The following FANCL variants were observed in gnomAD, a reference collection of about 807,000 sequenced individuals.
FANCL encodes FA complementation group L, also known as E3 ubiquitin-protein ligase FANCL.
In FANCL, 69 loss-of-function variants were observed where a neutral mutation model predicts 59.4. That is an observed-to-expected ratio of 1.16 (90% CI 0.96 to 1.42). The LOEUF (loss-of-function observed/expected upper bound fraction) is 1.42, where lower values mean the gene tolerates loss of function less well. Among genes scored for constraint, FANCL ranks in the 40% most tolerant of loss-of-function variants. The pLI is 0.00. For synonymous variants in FANCL, 180 were observed against 147.1 expected (o/e 1.22, Z -1.62); for missense variants, 519 against 447.2 (o/e 1.16, Z -1.45).
chr2:58,212,220 G>A (rs1691240513), intron 5 of FANCL, among the ~76,000 whole-genome samples: 1 of 152,306 alleles, frequency 6.6e-6, no homozygotes, highest in South Asian at 2.1e-4. Flanking sequence ...TTACATGGAT[G>A]GCAGCAGGCA....
At chr2:58,160,355 T>A (rs1246702546) in intron 12 of FANCL, among the ~76,000 whole-genome samples, 176 bp from the exon 13 acceptor site, 1 of 152,054 alleles carries the variant, frequency 6.6e-6, no homozygotes, top group African/African-American at 2.4e-5. Flanking sequence ...ACTATTAAGA[T>A]GTTGAGTAAC....
chr2:58,229,018 T>C (rs1693310269), intron 3 of FANCL, among the ~76,000 whole-genome samples: 2 of 152,198 alleles, frequency 1.3e-5, no homozygotes, highest in Admixed American at 1.3e-4. Context: ...AAAACTTCTG[T>C]AATTATATTG....
intron 5 of FANCL, among the ~76,000 whole-genome samples, chr2:58,221,494 T>C (rs949521991): frequency 6.6e-6 from 1 of 152,212 alleles, no homozygotes; most frequent in Non-Finnish European, 1.5e-5. Flanking sequence ...CCCTAGTTGC[T>C]AAAATTTACC....
chr2:58,174,903 A>C (rs1022723562), intron 7 of FANCL, among the ~76,000 whole-genome samples: 1 of 151,998 alleles, frequency 6.6e-6, no homozygotes, highest in African/African-American at 2.4e-5. Flanking sequence ...AAGACTAATA[A>C]AGAAGAGAGA....
intron 12 of FANCL, among the ~76,000 whole-genome samples, chr2:58,160,415 G>A (rs1180074868): frequency 1.3e-5 from 2 of 152,108 alleles, no homozygotes; most frequent in African/African-American, 2.4e-5. Flanking sequence ...TTTATAACCA[G>A]ATTATGGGCC....
chr2:58,177,642 G>C (rs28833241), intron 7 of FANCL, among the ~76,000 whole-genome samples: 1 of 91,210 alleles, frequency 1.1e-5, no homozygotes, highest in Admixed American at 1.7e-4. Context: ...GGGGTGGGGG[G>C]AGGGGGGAGG....
At chr2:58,233,621 T>C (rs1329705444) in intron 1 of FANCL, among the ~76,000 whole-genome samples, 1 of 151,356 alleles carries the variant, frequency 6.6e-6, no homozygotes, top group Non-Finnish European at 1.5e-5. Flanking sequence ...GGAAGAAAAA[T>C]ATGAAGCACT....
At chr2:58,167,216 G>GA (rs1686045576) in intron 7 of FANCL, among the ~76,000 whole-genome samples, 1 of 151,294 alleles carries the variant, frequency 6.6e-6, no homozygotes, top group East Asian at 1.9e-4. Context: ...GTCTCAAAAA[G>GA]AAAAAAAAGG....
At chr2:58,161,735 TAC>T (rs1022009889) in intron 11 of FANCL, 97 bp from the exon 12 acceptor site, 2 of 760,960 alleles carry the variant, frequency 2.6e-6, no homozygotes, top group African/African-American at 3.5e-5. Flanking sequence ...GATACATGTA[TAC>T]AGTGTTTAAT....
chr2:58,190,185 A>G (rs1016322917), intron 7 of FANCL, among the ~76,000 whole-genome samples: 3 of 152,004 alleles, frequency 2.0e-5, no homozygotes, highest in Non-Finnish European at 4.4e-5. Flanking sequence ...AGCAATCCGT[A>G]AAGAACATAT....
chr2:58,204,000 A>G (rs1251469875), intron 6 of FANCL, 130 bp downstream of exon 6: 2 of 778,020 alleles, frequency 2.6e-6, no homozygotes, highest in Non-Finnish European at 2.2e-6. Flanking sequence ...AGGCTTTCCA[A>G]AATCAATGTT....
At chr2:58,163,188 T>C in intron 9 of FANCL, 114 bp from the exon 10 acceptor site, 2 of 986,984 alleles carry the variant, frequency 2.0e-6, no homozygotes, top group Non-Finnish European at 3.1e-6. Flanking sequence ...AAATTATATG[T>C]ATTATGTTAA....
intron 5 of FANCL, among the ~76,000 whole-genome samples, chr2:58,212,358 G>A (rs934597297): frequency 6.6e-6 from 1 of 152,098 alleles, no homozygotes; most frequent in African/African-American, 2.4e-5. Flanking sequence ...CTTCCACCGG[G>A]TCCCTCCTGC....
At chr2:58,195,324 T>C (rs1689322822) in intron 7 of FANCL, among the ~76,000 whole-genome samples, 1 of 152,102 alleles carries the variant, frequency 6.6e-6, no homozygotes, top group Non-Finnish European at 1.5e-5. Flanking sequence ...TATAGGTAAA[T>C]GATATATTTT....
At chr2:58,236,136 C>G (rs1227041713) in intron 1 of FANCL, among the ~76,000 whole-genome samples, 2 of 151,084 alleles carry the variant, frequency 1.3e-5, no homozygotes, top group Non-Finnish European at 3.0e-5. Flanking sequence ...ATCCAAGAAG[C>G]TCCACAGACC....
chr2:58,192,511 C>T (rs531180053), intron 7 of FANCL, among the ~76,000 whole-genome samples: 2 of 151,994 alleles, frequency 1.3e-5, no homozygotes, highest in South Asian at 4.1e-4. Context: ...GAAAATTAAT[C>T]ACCGTTAACC....
intron 7 of FANCL, among the ~76,000 whole-genome samples, chr2:58,185,458 G>A (rs906800273): frequency 1.3e-4 from 20 of 152,162 alleles, no homozygotes; most frequent in African/African-American, 4.3e-4. Flanking sequence ...TTTAAACCTT[G>A]AGATCATGAA....
intron 7 of FANCL, among the ~76,000 whole-genome samples, chr2:58,172,718 A>G (rs976802155): frequency 3.9e-5 from 6 of 152,182 alleles, no homozygotes; most frequent in Non-Finnish European, 8.8e-5. Flanking sequence ...GAAACTCTAA[A>G]AAGCAGAGCG....
At chr2:58,199,836 G>C (rs1297702301) in intron 6 of FANCL, among the ~76,000 whole-genome samples, 2 of 151,966 alleles carry the variant, frequency 1.3e-5, no homozygotes, top group Non-Finnish European at 2.9e-5. Flanking sequence ...ATTAAAAGAA[G>C]TTTTAGGCTT....
Sources: allele counts gnomAD v4.1 joint callset (sites outside exome capture counted in the v4.1 genomes callset), GRCh38; gene constraint gnomAD v4.1.1; transcripts MANE v1.5; gene names NCBI Gene and HGNC (gene_info 2026-07-23, HGNC 2026-07-21).